YY1: variants seen among roughly 807,000 people sequenced by gnomAD.
YY1 encodes YY1 transcription factor.
In YY1, 2 loss-of-function variants were observed where a neutral mutation model predicts 35.6. The observed-to-expected ratio is 0.06, with a 90% CI of 0.02 to 0.18. The LOEUF (loss-of-function observed/expected upper bound fraction) is 0.18, where lower values mean the gene tolerates loss of function less well. YY1 is among the 10% of genes least tolerant of loss of function. YY1 has a pLI of 1.00. For synonymous variants in YY1, 268 were observed against 238.9 expected, an observed-to-expected ratio of 1.12 and a Z score of -1.12; for missense variants, 322 against 573.4, an observed-to-expected ratio of 0.56 and a Z score of 4.48.
rs147588654 is a variant in YY1, at chr14:100,246,289, T to TC, written c.679+6373dup. On this transcript the variant is annotated intron_variant, in intron 1 of 4. Coordinates refer to ENST00000262238, the MANE Select transcript of YY1 (RefSeq NM_003403.5). ...GGATAGCACAGGTGCGGGGCCAGTG[T>TC]CCCCCCCATTCTGTCCCGTGCCAGT... Among the ~76,000 whole-genome samples the TC allele has an allele frequency of 3.0e-3, 450 of 152,132 alleles. 4 individuals carry two copies. The highest frequency in any genetic ancestry group is 1.0e-2 in the African/African-American group (413 of 41,494).
chr14:100,247,564 G>C (rs189060046), intron 1 of YY1, among the ~76,000 whole-genome samples: 106 of 151,828 alleles, frequency 7.0e-4, no homozygotes, highest in Admixed American at 1.2e-3. Flanking sequence ...GTAGAGACAG[G>C]GTTATCAGAA....
intron 1 of YY1, among the ~76,000 whole-genome samples, chr14:100,246,864 C>G (rs1368907800): frequency 2.0e-5 from 3 of 152,182 alleles, no homozygotes; most frequent in African/African-American, 4.8e-5. Context: ...TCACTTCACC[C>G]CCATGACCTA....
intron 1 of YY1, 91 bp downstream of exon 1, chr14:100,240,014 T>G: frequency 7.9e-7 from 1 of 1,268,104 alleles, no homozygotes; most frequent in Non-Finnish European, 1.0e-6. Context: ...GCCATCTTCT[T>G]CGCCAGGGCA....
At chr14:100,247,936 T>C (rs1890857428) in intron 1 of YY1, among the ~76,000 whole-genome samples, 1 of 152,016 alleles carries the variant, frequency 6.6e-6, no homozygotes, top group African/African-American at 2.4e-5. Context: ...AACAGAACAA[T>C]ATACTCAATT....
chr14:100,273,011 G>C (rs888372702), intron 2 of YY1, among the ~76,000 whole-genome samples: 4 of 148,618 alleles, frequency 2.7e-5, no homozygotes, highest in Admixed American at 2.0e-4. Flanking sequence ...GCCTAGGCTG[G>C]AGTGCAGTGG....
At chr14:100,274,452 A>T (rs1006687955) in intron 2 of YY1, among the ~76,000 whole-genome samples, 4 of 152,214 alleles carry the variant, frequency 2.6e-5, no homozygotes, top group African/African-American at 9.6e-5. Context: ...CTTATTAGCT[A>T]TGAGACTGTA....
intron 2 of YY1, chr14:100,263,906 C>T (rs1401848780): frequency 6.6e-6 from 1 of 152,200 alleles, no homozygotes; most frequent in Non-Finnish European, 1.5e-5. Flanking sequence ...ACTGTGTTGC[C>T]CAGGCTGGAG....
chr14:100,259,412 C>T (rs1250968089), intron 1 of YY1, among the ~76,000 whole-genome samples: 12 of 151,942 alleles, frequency 7.9e-5, no homozygotes, highest in Non-Finnish European at 1.2e-4. Context: ...CCCAGCTAAT[C>T]GGGAGGTGGA....
At chr14:100,242,366 GTTTTGTTTTTTGTTTTTTTTTT>G (rs1460179574) in intron 1 of YY1, among the ~76,000 whole-genome samples, 3 of 71,498 alleles carry the variant, frequency 4.2e-5, no homozygotes, top group Non-Finnish European at 8.2e-5. Flanking sequence ...TGGCTGTTTT[GTTTTGTTTTTTGTTTTTTTTTT>G]TTTTTTTTTT....
In YY1 at chr14:100,248,121, C is replaced by CTTTTTT. The variant is rs10694000; in HGVS notation, c.679+8207_679+8212dup. 3.6e-3 allele frequency among the ~76,000 whole-genome samples: 429 copies of CTTTTTT among 117,606 alleles called. 23 individuals carry two copies. The highest frequency in any genetic ancestry group is 0.014 in the African/African-American group (419 of 29,112). The allele number at this position is 117,606 out of a possible 152,430, so 77.2% of individuals were successfully genotyped here. On this transcript the variant is annotated intron_variant, in intron 1 of 4. Transcript: ENST00000262238. ...CACCACGCCCGGCTAATTTTTTTTT[C>CTTTTTT]TTTTTTTTTTTTTTGAGACAGTCTC...
At chr14:100,275,028 A>G (rs1891299120) in intron 3 of YY1, among the ~76,000 whole-genome samples, 1 of 152,142 alleles carries the variant, frequency 6.6e-6, no homozygotes, top group African/African-American at 2.4e-5. Context: ...GATTATATTA[A>G]CAAGTCCGTC....
At chr14:100,255,733 T>C (rs1421861784) in intron 1 of YY1, among the ~76,000 whole-genome samples, 1 of 152,222 alleles carries the variant, frequency 6.6e-6, no homozygotes, top group Non-Finnish European at 1.5e-5. Flanking sequence ...GCAGCCTCTC[T>C]TGTCTGTGCT....
In YY1 at chr14:100,259,801, C is replaced by T. The variant is rs151197242; in HGVS notation, c.680-2503C>T. Among the ~76,000 whole-genome samples the T allele has an allele frequency of 1.3e-3, 201 of 152,154 alleles. 1 individual carries two copies. Among genetic ancestry groups the T allele is most frequent in the African/African-American group, 2.3e-3 (97 of 41,498 alleles). On this transcript the variant is annotated intron_variant, in intron 1 of 4. Coordinates refer to ENST00000262238, the MANE Select transcript of YY1 (RefSeq NM_003403.5). Reference sequence around the variant, plus strand: ...CTGGTTAGAATATAGAAGGCATGTGCAAAGGAGAAATAGAAGGTAAGACCA... The same window carrying T: ...CTGGTTAGAATATAGAAGGCATGTGTAAAGGAGAAATAGAAGGTAAGACCA...
Position 100,279,045 on chromosome 14 carries a change from T to G in YY1, c.*1445T>G, listed in dbSNP as rs1182518046. On this transcript the variant is annotated 3_prime_UTR_variant, in exon 5 of 5. Coordinates refer to ENST00000262238, the MANE Select transcript of YY1 (RefSeq NM_003403.5). ...TAATTTCATGTTTCTAAATGGACAC[T>G]GGGTGCAAATCGGCAAGGTGATTAG... The G allele has an allele frequency of 6.6e-6, 1 of 152,238 alleles. No homozygotes were observed. The highest frequency in any genetic ancestry group is 1.5e-5 in the Non-Finnish European group (1 of 68,032). The allele number at this position is 152,238 out of a possible 1,614,324, so 9.4% of individuals were successfully genotyped here. A position where few individuals can be genotyped will look rare whatever the true frequency, so the allele number is the denominator to read the frequency against.
chr14:100,248,034 T>TC (rs1430158981), intron 1 of YY1, among the ~76,000 whole-genome samples: 30 of 151,930 alleles, frequency 2.0e-4, no homozygotes, highest in African/African-American at 6.8e-4. Context: ...AACCTCTGCC[T>TC]CCCGAGTTCA....
rs1891385425 is a variant in YY1 at position 100,279,727 on chromosome 14, G to C, written c.*2127G>C. ...CCTTCCCTCCCCACTGTCGGGTTGA[G>C]TAGCCCCAGCGTGGCTGTGTTAGGA... On this transcript the variant is annotated 3_prime_UTR_variant, in exon 5 of 5. Coordinates refer to ENST00000262238, the MANE Select transcript of YY1 (RefSeq NM_003403.5). The C allele has an allele frequency of 6.6e-6, 1 of 152,558 alleles. No individual in the cohort carries two copies. The highest frequency in any genetic ancestry group is 1.5e-5 in the Non-Finnish European group (1 of 68,284). 9.5% of individuals were successfully genotyped at this position (152,558 alleles called of 1,614,324 possible).
intron 1 of YY1, among the ~76,000 whole-genome samples, chr14:100,256,879 C>T (rs904718655): frequency 3.5e-5 from 5 of 143,200 alleles, no homozygotes; most frequent in African/African-American, 7.7e-5. Flanking sequence ...TTTTTTTTTA[C>T]GAAAACCGTG....
chr14:100,259,641 C>T (rs563829109), intron 1 of YY1, among the ~76,000 whole-genome samples: 2 of 152,190 alleles, frequency 1.3e-5, no homozygotes, highest in East Asian at 1.9e-4. Flanking sequence ...AATGAACATG[C>T]CCTCAAATTC....
At chr14:100,242,398 T>G (rs1235138734) in intron 1 of YY1, among the ~76,000 whole-genome samples, 11 of 145,778 alleles carry the variant, frequency 7.5e-5, no homozygotes, top group African/African-American at 2.2e-4. Context: ...TTTTTTTTTT[T>G]TTTTTTTTGA....
Sources: allele counts gnomAD v4.1 joint callset (sites outside exome capture counted in the v4.1 genomes callset), GRCh38; gene constraint gnomAD v4.1.1; transcripts MANE v1.5; gene names NCBI Gene and HGNC (gene_info 2026-07-23, HGNC 2026-07-21).